Variants in EVI5L observed in about 807,000 individuals in gnomAD.
The protein encoded by EVI5L is ecotropic viral integration site 5 like.
Under a neutral mutation model 106.1 loss-of-function variants are expected in EVI5L, and 30 were observed. That is an observed-to-expected ratio of 0.28 (90% CI 0.21 to 0.38). The LOEUF (loss-of-function observed/expected upper bound fraction) is 0.38. EVI5L is among the 10% of genes least tolerant of loss of function. EVI5L has a pLI of 1.00. For synonymous variants in EVI5L, 489 were observed against 483.3 expected (o/e 1.01, Z -0.15); for missense variants, 809 against 1,098.0 (o/e 0.74, Z 3.72).
intron 8 of EVI5L, 84 bp from the exon 9 acceptor site, chr19:7,853,002 C>A: frequency 7.2e-7 from 1 of 1,388,986 alleles, no homozygotes; most frequent in Non-Finnish European, 1.0e-6. Context: ...GTTCCTGCCC[C>A]CCTCCAGGGC....
intron 1 of EVI5L, among the ~76,000 whole-genome samples, chr19:7,837,661 C>A (rs540510803): frequency 2.0e-5 from 3 of 152,084 alleles, no homozygotes; most frequent in Non-Finnish European, 2.9e-5. Context: ...CCTTGCTTTT[C>A]GTGACCTTGA....
intron 1 of EVI5L, among the ~76,000 whole-genome samples, chr19:7,832,919 C>T (rs1461270276): frequency 6.6e-6 from 1 of 152,112 alleles, no homozygotes; most frequent in Non-Finnish European, 1.5e-5. Flanking sequence ...TTTGTTCTGT[C>T]CACTTGCTGA....
rs1030397886 is a variant in EVI5L at position 7,845,100 on chromosome 19, G to A, written c.-47-1396G>A. The stretch of plus-strand genomic sequence containing the variant: ...ATCCCCACTCCAAGGACCCAGCGAG[G>A]CCCTCTCTGTAGGTGGAGCTGTCAG... On this transcript the variant is annotated intron_variant, in intron 1 of 19. Transcript: ENST00000538904. This position sits in a 1 kb window ranked among gnomAD's most constrained non-coding sequence, Gnocchi z 4.0. Among the ~76,000 whole-genome samples the A allele has an allele frequency of 3.3e-5, 5 of 152,060 alleles. No individual in the cohort carries two copies. The highest frequency in any genetic ancestry group is 1.2e-4 in the African/African-American group (5 of 41,390).
intron 14 of EVI5L, among the ~76,000 whole-genome samples, chr19:7,860,901 TC>T (rs1449971214): frequency 6.6e-6 from 1 of 152,010 alleles, no homozygotes; most frequent in Admixed American, 6.5e-5. Flanking sequence ...TCTATGAGCT[TC>T]CCGGATACCT....
chr19:7,860,678 G>A lies in EVI5L; in HGVS notation c.1492G>A (p.Asp498Asn), dbSNP rs200987980. The A allele has an allele frequency of 3.8e-5, 60 of 1,586,798 alleles. No individual in the cohort carries two copies. The highest frequency in any genetic ancestry group is 4.7e-5 in the Non-Finnish European group (55 of 1,166,748). ...TCGGGAGATGCAGGACAAGGTTCTC[G>A]ACATGGAAAAGGTGCAATGGGGAGG... ...ALREMQDKVLDMEKRNSSLPD... is the reference protein window; with the variant it reads ...ALREMQDKVLNMEKRNSSLPD... Residue 498 changes from aspartate (D) to asparagine (N), a missense_variant, in exon 14 of 20, where the codon GAC becomes AAC. Coordinates refer to ENST00000538904, the MANE Select transcript of EVI5L (RefSeq NM_001159944.3).
intron 1 of EVI5L, among the ~76,000 whole-genome samples, chr19:7,843,196 TA>T (rs1429861969): frequency 1.3e-4 from 19 of 145,714 alleles, no homozygotes; most frequent in African/African-American, 4.9e-4. Flanking sequence ...TGTGTGTGTA[TA>T]GGGGTGTGTG....
At position 7,861,920 on chromosome 19, in the gene EVI5L, C is replaced by G; in HGVS notation, c.1546C>G (p.Gln516Glu). 1.3e-6 allele frequency: 2 copies of G among 1,550,744 alleles called. No homozygotes were observed. Among genetic ancestry groups the G allele is most frequent in the South Asian group, 1.2e-5 (1 of 84,092 alleles). Reference protein sequence around the residue: ...LPDENNVAQLQEELKALKVRE... With the variant: ...LPDENNVAQLEEELKALKVRE... ...CGACGAGAACAATGTGGCGCAGCTG[C>G]AGGAGGAGCTGAAGGCGCTCAAGGT... The change falls in exon 15 of 20, where the codon CAG becomes GAG. Residue 516 changes from glutamine to glutamate, a missense_variant. Transcript: ENST00000538904.
At chr19:7,841,331 G>A (rs1042809833) in intron 1 of EVI5L, among the ~76,000 whole-genome samples, 1 of 152,106 alleles carries the variant, frequency 6.6e-6, no homozygotes, top group African/African-American at 2.4e-5. Flanking sequence ...GACCCAGGGA[G>A]GAAGAGATGC....
chr19:7,850,530 G>A lies in EVI5L; in HGVS notation c.753+408G>A, dbSNP rs1031715753. Among the ~76,000 whole-genome samples the A allele has an allele frequency of 6.6e-6, 1 of 152,126 alleles. No individual in the cohort carries two copies. Among genetic ancestry groups the A allele is most frequent in the Non-Finnish European group, 1.5e-5 (1 of 68,014 alleles). Reference sequence around the variant, plus strand: ...CGTCTGTTTATAAATAGCAGCCCCCGCAGGGCCTGCTCCCGGCTGGCAGGC... The same window carrying A: ...CGTCTGTTTATAAATAGCAGCCCCCACAGGGCCTGCTCCCGGCTGGCAGGC... On this transcript the variant is annotated intron_variant, in intron 6 of 19. Transcript: ENST00000538904. The surrounding 1 kb of genome is among the most constrained non-coding windows in gnomAD (Gnocchi z 5.4).
intron 15 of EVI5L, 33 bp from the exon 16 acceptor site, chr19:7,862,089 G>A (rs1346276613): frequency 2.2e-5 from 34 of 1,548,692 alleles, no homozygotes; most frequent in Non-Finnish European, 2.8e-5. Context: ...TTGGGCGGAG[G>A]CTGACCGCCG....
chr19:7,851,383 G>C, intron 6 of EVI5L, 51 bp from the exon 7 acceptor site: 2 of 1,576,358 alleles, frequency 1.3e-6, no homozygotes, highest in Middle Eastern at 1.7e-4. Context: ...AGCACCCCCC[G>C]GTGGGAGGGC....
chr19:7,834,945 G>A (rs1196772096), intron 1 of EVI5L, among the ~76,000 whole-genome samples: 1 of 152,040 alleles, frequency 6.6e-6, no homozygotes, highest in Non-Finnish European at 1.5e-5. Flanking sequence ...GGGCAACATA[G>A]TGAGACTCTC....
At position 7,850,378 on chromosome 19, in the gene EVI5L, G is replaced by C. The variant is rs1296635545; in HGVS notation, c.753+256G>C. ...GCCACCACTGAAGGGGGGCTCCCAG[G>C]GCTGCTGAGGCAGAGGGGTGGGGCA... On this transcript the variant is annotated intron_variant, in intron 6 of 19. Transcript: ENST00000538904. The surrounding 1 kb of genome is among the most constrained non-coding windows in gnomAD (Gnocchi z 5.4). Among the ~76,000 whole-genome samples, 1 of 152,176 alleles carries C rather than the reference G, an allele frequency of 6.6e-6. No individual in the cohort carries two copies. Among genetic ancestry groups the C allele is most frequent in the African/African-American group, 2.4e-5 (1 of 41,434 alleles).
chr19:7,852,757 A>C, intron 8 of EVI5L: 2 of 301,134 alleles, frequency 6.6e-6, no homozygotes, highest in Non-Finnish European at 6.4e-6. Context: ...TATGTTGCCC[A>C]CACTGGTCTC....
rs1416323802 is a variant in EVI5L, at chr19:7,853,097, A to C, written c.999A>C (p.Arg333Ser). The change falls in exon 9 of 20, where the codon AGA becomes AGC. Residue 333 changes from arginine (R) to serine (S), a missense_variant. Physicochemically the swap from Arg to Ser is moderately radical, Grantham distance 110. This residue lies in a region of EVI5L where 357 missense variants were observed against 588.1 expected (regional missense o/e 0.61). Transcript: ENST00000538904. ...CTGTGTCCCCACAGTACTTCCAGAG[A>C]GTGATCCCCCACCAGTTCGACAGCT... The part of the protein sequence containing the change: ...DMEGMSQYFQ[R>S]VIPHQFDSCP... The C allele has an allele frequency of 1.9e-6, 3 of 1,613,794 alleles. No homozygotes were observed. The South Asian group carries it at 3.3e-5, about 18-fold the overall frequency.
chr19:7,833,800 G>T (rs976245776), intron 1 of EVI5L, among the ~76,000 whole-genome samples: 1 of 152,198 alleles, frequency 6.6e-6, no homozygotes, highest in Admixed American at 6.5e-5. Context: ...GGAGAACTTG[G>T]AAAGGCAGCA....
intron 1 of EVI5L, among the ~76,000 whole-genome samples, chr19:7,842,708 A>T (rs887489079): frequency 1.3e-5 from 2 of 151,418 alleles, no homozygotes; most frequent in African/African-American, 4.9e-5. Flanking sequence ...AAGTGTGTGG[A>T]TGTGCACGAG....
At chr19:7,831,998 CGAGTGGA>C (rs1286248530) in intron 1 of EVI5L, among the ~76,000 whole-genome samples, 1 of 152,260 alleles carries the variant, frequency 6.6e-6, no homozygotes, top group East Asian at 1.9e-4. Context: ...TGAAGAGGCT[CGAGTGGA>C]ACATGAATGA....
At chr19:7,852,708 T>C (rs1979316783) in intron 8 of EVI5L, 2 of 235,588 alleles carry the variant, frequency 8.5e-6, no homozygotes, top group Non-Finnish European at 1.6e-5. Context: ...TACATCACCA[T>C]GTCCAGCTAA....
Sources: gnomAD v4.1 joint callset for allele counts (sites outside exome capture counted in the v4.1 genomes callset) on GRCh38, gnomAD v4.1.1 for gene constraint, gnomAD v4.1.1 regional missense constraint, Gnocchi (gnomAD v3.1) non-coding constraint, MANE v1.5 for transcripts, NCBI Gene and HGNC (gene_info 2026-07-23, HGNC 2026-07-21) for gene names.